FARS2: variants seen among roughly 807,000 people sequenced by gnomAD.
The protein encoded by FARS2 is phenylalanyl-tRNA synthetase 2, mitochondrial.
Under a neutral mutation model 46.4 loss-of-function variants are expected in FARS2, and 40 were observed. The ratio of observed to expected loss-of-function variants is 0.86; its 90% confidence interval spans 0.67 to 1.12. The LOEUF is 1.12. Ranked by LOEUF, FARS2 falls within the 50% of genes most tolerant of loss-of-function variation. The probability of loss-of-function intolerance (pLI) is 0.00; values close to 1 mark genes in which losing one functional copy is unlikely to be tolerated. For missense variants in FARS2, 513 were observed against 567.9 expected, an observed-to-expected ratio of 0.90 and a Z score of 0.98; for synonymous variants, 234 against 214.9, an observed-to-expected ratio of 1.09 and a Z score of -0.78.
chr6:5,405,486 T>TTTTTTTTTTC (rs1761526417), intron 3 of FARS2, among the ~76,000 whole-genome samples: 1 of 125,698 alleles, frequency 8.0e-6, no homozygotes, highest in Non-Finnish European at 1.7e-5. Flanking sequence ...GGTTCTTTTT[T>TTTTTTTTTTC]TTTTTTTTTT....
chr6:5,412,279 G>A (rs554777262), intron 3 of FARS2, among the ~76,000 whole-genome samples: 1 of 152,304 alleles, frequency 6.6e-6, no homozygotes, highest in African/African-American at 2.4e-5. Flanking sequence ...GCCCACATCC[G>A]AAGACTGAAT....
At position 5,757,453 on chromosome 6, in the gene FARS2, C is replaced by CA. The variant is rs201858492; in HGVS notation, c.1218-13829dup. Among the ~76,000 whole-genome samples, 485 of 150,846 alleles carry CA rather than the reference C, an allele frequency of 3.2e-3. 3 individuals carry two copies. The highest frequency in any genetic ancestry group is 4.2e-3 in the Non-Finnish European group (285 of 67,632). On this transcript the variant is annotated intron_variant, in intron 6 of 6. Coordinates refer to ENST00000274680, the MANE Select transcript of FARS2 (RefSeq NM_006567.5). ...CAAGTAGCAAAGATAGCCAGACCTC[C>CA]AAAAAAAAACTGTGCCCTTGAACCC...
At chr6:5,573,149 C>G (rs1195925823) in intron 5 of FARS2, among the ~76,000 whole-genome samples, 1 of 152,188 alleles carries the variant, frequency 6.6e-6, no homozygotes, top group East Asian at 1.9e-4. Flanking sequence ...GATTCAATAA[C>G]TCTCTGTTGA....
intron 5 of FARS2, among the ~76,000 whole-genome samples, chr6:5,575,693 T>C (rs1254681804): frequency 6.6e-6 from 1 of 152,224 alleles, no homozygotes; most frequent in East Asian, 1.9e-4. Flanking sequence ...CATAGCTCTT[T>C]GGTCTCCTTG....
intron 1 of FARS2, among the ~76,000 whole-genome samples, chr6:5,348,622 G>A (rs1757388761): frequency 6.6e-6 from 1 of 150,770 alleles, no homozygotes; most frequent in Non-Finnish European, 1.5e-5. Flanking sequence ...AAACACAAAT[G>A]CTCTTCTATG....
chr6:5,564,800 G>A lies in FARS2; in HGVS notation c.1065+19460G>A, dbSNP rs114805071. Among the ~76,000 whole-genome samples, 523 of 152,248 alleles carry A rather than the reference G, an allele frequency of 3.4e-3. 2 individuals carry two copies. Among genetic ancestry groups the A allele is most frequent in the African/African-American group, 0.011 (468 of 41,536 alleles). On this transcript the variant is annotated intron_variant, in intron 5 of 6. Transcript: ENST00000274680. Reference sequence around the variant, plus strand: ...GTGTGTTTGGTGAGCCTATCCTCTCGAGGTCCCAAGATAAACTTGGAGCTT... The same window carrying A: ...GTGTGTTTGGTGAGCCTATCCTCTCAAGGTCCCAAGATAAACTTGGAGCTT...
chr6:5,369,138 A>G lies in FARS2; in HGVS notation c.568A>G (p.Ile190Val), dbSNP rs765441815. ...CCAGATCGACTCCCAGCACTACCCT[A>G]TTTTCCACCAGCTGGAGGCCGTGCG... ...RDQIDSQHYP[I>V]FHQLEAVRLF... The change falls in exon 2 of 7, where the codon ATT becomes GTT. Residue 190 changes from isoleucine (I) to valine (V), a missense_variant. Ile to Val is a conservative substitution (Grantham distance 29). Coordinates refer to ENST00000274680, the MANE Select transcript of FARS2 (RefSeq NM_006567.5). 27 of 1,611,586 alleles carry G rather than the reference A, an allele frequency of 1.7e-5. No individual in the cohort carries two copies. The highest frequency in any genetic ancestry group is 2.3e-5 in the Non-Finnish European group (27 of 1,179,926).
At chr6:5,570,522 T>G (rs1445150325) in intron 5 of FARS2, among the ~76,000 whole-genome samples, 1 of 152,192 alleles carries the variant, frequency 6.6e-6, no homozygotes, top group Non-Finnish European at 1.5e-5. Context: ...GGTTCAGATT[T>G]CCAGTTTTGT....
chr6:5,424,125 AG>A (rs1216750844), intron 3 of FARS2, among the ~76,000 whole-genome samples: 1 of 152,106 alleles, frequency 6.6e-6, no homozygotes, highest in African/African-American at 2.4e-5. Context: ...GCTGCGTAAG[AG>A]GGTCGAGCTG....
chr6:5,260,630 C>T (rs1024508812), upstream of FARS2: 35 of 1,531,410 alleles, frequency 2.3e-5, no homozygotes, highest in African/African-American at 1.5e-4. Flanking sequence ...CCCCGGCCCC[C>T]GGTGCCCGCT....
intron 4 of FARS2, among the ~76,000 whole-genome samples, chr6:5,488,978 A>T (rs1012785932): frequency 3.3e-5 from 5 of 152,210 alleles, no homozygotes; most frequent in Admixed American, 6.5e-5. Flanking sequence ...AGTGAATAAA[A>T]CAGGCCAAAA....
chr6:5,276,061 A>G (rs1766311268), intron 1 of FARS2, among the ~76,000 whole-genome samples: 1 of 152,184 alleles, frequency 6.6e-6, no homozygotes, highest in Non-Finnish European at 1.5e-5. Flanking sequence ...TTGCATTTGG[A>G]AACCCTATTT....
chr6:5,260,844 C>T (rs1328509567), upstream of FARS2: 2 of 1,503,166 alleles, frequency 1.3e-6, no homozygotes, highest in Non-Finnish European at 1.8e-6. Context: ...AATGCTGCGG[C>T]TCGGCTTTGC....
rs1175182131 is a variant in FARS2, at chr6:5,717,931, T to TAGAGAGAGAGAGAGAGAGAGAGAGAG, written c.1218-53359_1218-53358insGAGAGAGAGAGAGAGAGAGAGAGAGA. Among the ~76,000 whole-genome samples, 668 of 118,496 alleles carry TAGAGAGAGAGAGAGAGAGAGAGAGAG rather than the reference T, an allele frequency of 5.6e-3. 20 individuals carry two copies. The highest frequency in any genetic ancestry group is 0.028 in the African/African-American group (612 of 22,012). The allele number at this position is 118,496 out of a possible 152,430, so 77.7% of individuals were successfully genotyped here. A position where few individuals can be genotyped will look rare whatever the true frequency, so the allele number is the denominator to read the frequency against. On this transcript the variant is annotated intron_variant, in intron 6 of 6. Coordinates refer to ENST00000274680, the MANE Select transcript of FARS2 (RefSeq NM_006567.5). ...AGCTATATATATATATATATATATA[T>TAGAGAGAGAGAGAGAGAGAGAGAGAG]ATATACAGAGTCTCACTCTGTCGCC...
At position 5,771,334 on chromosome 6, in the gene FARS2, A is replaced by G. The variant is rs757022549; in HGVS notation, c.1261A>G (p.Met421Val). 21 of 1,614,112 alleles carry G rather than the reference A, an allele frequency of 1.3e-5. No homozygotes were observed. Among genetic ancestry groups the G allele is most frequent in the Non-Finnish European group, 1.7e-5 (20 of 1,179,972 alleles). Reference sequence around the variant, plus strand: ...CTGCTACCGCATCACGTACCGCCACATGGAACGGACTCTGTCCCAGAGAGA... The same window carrying G: ...CTGCTACCGCATCACGTACCGCCACGTGGAACGGACTCTGTCCCAGAGAGA... ...SHCYRITYRH[M>V]ERTLSQREVR... Residue 421 changes from methionine (M) to valine (V), a missense_variant, in exon 7 of 7, where the codon ATG becomes GTG. Transcript: ENST00000274680.
At chr6:5,317,888 C>G (rs1015746909) in intron 1 of FARS2, among the ~76,000 whole-genome samples, 1 of 151,906 alleles carries the variant, frequency 6.6e-6, no homozygotes, top group Admixed American at 6.6e-5. Flanking sequence ...ATCCAGGAAA[C>G]GGGTCCCTGT....
chr6:5,725,213 C>G (rs1027521574), intron 6 of FARS2, among the ~76,000 whole-genome samples: 2 of 152,196 alleles, frequency 1.3e-5, no homozygotes, highest in African/African-American at 4.8e-5. Flanking sequence ...AATTCGTAGC[C>G]TGTTTTGGGG....
chr6:5,477,892 T>C (rs1156900917), intron 4 of FARS2, among the ~76,000 whole-genome samples: 2 of 152,004 alleles, frequency 1.3e-5, no homozygotes, highest in African/African-American at 4.8e-5. Context: ...TGGTGGTGTG[T>C]ACCTGTAGTC....
chr6:5,680,476 T>G (rs145615397), intron 6 of FARS2, among the ~76,000 whole-genome samples: 1 of 152,210 alleles, frequency 6.6e-6, no homozygotes, highest in Non-Finnish European at 1.5e-5. Context: ...ATGAGAATTA[T>G]GATCAACTAG....
Sources: allele counts gnomAD v4.1 joint callset (sites outside exome capture counted in the v4.1 genomes callset), GRCh38; gene constraint gnomAD v4.1.1; transcripts MANE v1.5; gene names NCBI Gene and HGNC (gene_info 2026-07-23, HGNC 2026-07-21).